Variants in PRMT3 observed in about 807,000 individuals in gnomAD.
PRMT3 encodes the protein protein arginine methyltransferase 3.
A neutral mutation model predicts 71.9 loss-of-function variants in PRMT3; 62 were observed. The ratio of observed to expected loss-of-function variants is 0.86; its 90% confidence interval spans 0.70 to 1.07. PRMT3 has a LOEUF of 1.07. Among genes scored for constraint, PRMT3 ranks in the 50% least tolerant of loss-of-function variants. PRMT3 has a pLI of 0.00. For missense variants in PRMT3, 663 were observed against 643.0 expected (o/e 1.03, Z -0.34); for synonymous variants, 213 against 220.4 (o/e 0.97, Z 0.30).
At chr11:20,498,016 G>A (rs1211080305) in intron 15 of PRMT3, among the ~76,000 whole-genome samples, 2 of 152,166 alleles carry the variant, frequency 1.3e-5, no homozygotes, top group African/African-American at 2.4e-5. Context: ...TGAACATAGC[G>A]AAGAGAATAT....
At chr11:20,424,694 A>C (rs984482793) in intron 9 of PRMT3, among the ~76,000 whole-genome samples, 24 of 152,212 alleles carry the variant, frequency 1.6e-4, no homozygotes, top group African/African-American at 7.2e-5. Flanking sequence ...CAAAGTTAAA[A>C]ACTTTAGCTA....
intron 13 of PRMT3, among the ~76,000 whole-genome samples, chr11:20,473,095 T>C (rs1850690685): frequency 6.6e-6 from 1 of 152,198 alleles, no homozygotes; most frequent in South Asian, 2.1e-4. Flanking sequence ...AATATTCCTT[T>C]ACCATTCCTG....
intron 15 of PRMT3, among the ~76,000 whole-genome samples, chr11:20,504,733 A>T (rs1294064349): frequency 2.6e-5 from 4 of 151,126 alleles, no homozygotes; most frequent in Admixed American, 1.3e-4. Context: ...AGAGAGAGAG[A>T]GAGAGAGAGA....
intron 13 of PRMT3, among the ~76,000 whole-genome samples, chr11:20,482,190 T>C (rs1850953313): frequency 6.8e-6 from 1 of 146,352 alleles, no homozygotes; most frequent in Non-Finnish European, 1.5e-5. Flanking sequence ...TCTGAATTTC[T>C]GTAATTCATT....
intron 13 of PRMT3, among the ~76,000 whole-genome samples, chr11:20,482,095 A>C (rs933060423): frequency 1.3e-5 from 2 of 152,150 alleles, no homozygotes; most frequent in African/African-American, 4.8e-5. Flanking sequence ...GGAACCCTGC[A>C]GTTGAGTAAA....
rs1446333911 is a variant in PRMT3, at chr11:20,388,030, G to T, written c.40G>T (p.Ala14Ser). The change falls in exon 2 of 16, where the codon GCT (alanine) becomes TCT (serine). Residue 14 changes from alanine to serine, a missense_variant. Transcript: ENST00000331079. Reference protein sequence around the residue: ...LASGATGGRGAVENEEDLPEL... With the variant: ...LASGATGGRGSVENEEDLPEL... ...TGTGTGTGTGTTAGGCGGCCGGGGC[G>T]CTGTGGAGAATGAGGAGGACCTGCC... The T allele has an allele frequency of 6.2e-7, 1 of 1,613,954 alleles. No homozygotes were observed. The highest frequency in any genetic ancestry group is 8.5e-7 in the Non-Finnish European group (1 of 1,180,000).
At chr11:20,490,735 A>G (rs957735270) in intron 13 of PRMT3, among the ~76,000 whole-genome samples, 13 of 152,248 alleles carry the variant, frequency 8.5e-5, no homozygotes, top group African/African-American at 3.1e-4. Context: ...AGGCTGTTAC[A>G]TGAGTTTAAA....
chr11:20,490,756 A>AAGGT (rs1734399410), intron 13 of PRMT3, among the ~76,000 whole-genome samples: 1 of 152,228 alleles, frequency 6.6e-6, no homozygotes, highest in Non-Finnish European at 1.5e-5. Context: ...ACAATTTTAA[A>AAGGT]AGGTACACTA....
At chr11:20,498,404 A>G (rs902916759) in intron 15 of PRMT3, among the ~76,000 whole-genome samples, 1 of 152,238 alleles carries the variant, frequency 6.6e-6, no homozygotes, top group Non-Finnish European at 1.5e-5. Flanking sequence ...AACATCATGT[A>G]GAGAAGAACA....
intron 9 of PRMT3, among the ~76,000 whole-genome samples, chr11:20,412,656 GGT>G (rs1234760973): frequency 6.6e-6 from 1 of 151,600 alleles, no homozygotes; most frequent in Non-Finnish European, 1.5e-5. Context: ...TTTGAGTGTT[GGT>G]GCATGAGAAC....
In PRMT3 at chr11:20,392,200, TCCC is replaced by T; in HGVS notation, c.248-8_248-6del. On this transcript the variant is annotated splice_region_variant and splice_polypyrimidine_tract_variant and intron_variant, in intron 3 of 15. Coordinates refer to ENST00000331079, the MANE Select transcript of PRMT3 (RefSeq NM_005788.4). ...TGTTAACATAGGTGAATTATCTTTT[TCCC>T]CCTTTAGGACTTGAATTTTATGGAT... The T allele has an allele frequency of 6.4e-7, 1 of 1,572,840 alleles. No homozygotes were observed. The highest frequency in any genetic ancestry group is 1.8e-5 in the Admixed American group (1 of 56,730).
At chr11:20,399,326 A>C (rs1432404416) in intron 7 of PRMT3, among the ~76,000 whole-genome samples, 1 of 152,170 alleles carries the variant, frequency 6.6e-6, no homozygotes, top group East Asian at 1.9e-4. Flanking sequence ...GGTAATTGAT[A>C]ATTGTACTTA....
At chr11:20,441,650 A>G (rs1187409228) in intron 10 of PRMT3, among the ~76,000 whole-genome samples, 1 of 151,954 alleles carries the variant, frequency 6.6e-6, no homozygotes, top group Non-Finnish European at 1.5e-5. Flanking sequence ...ATCTACACTC[A>G]TATTTTCCGT....
At chr11:20,504,007 T>C (rs1851520032) in intron 15 of PRMT3, among the ~76,000 whole-genome samples, 1 of 152,216 alleles carries the variant, frequency 6.6e-6, no homozygotes, top group Admixed American at 6.5e-5. Flanking sequence ...AGATGCAGTA[T>C]TTTAAGCCGT....
chr11:20,504,715 A>T (rs867170342), intron 15 of PRMT3, among the ~76,000 whole-genome samples: 11,714 of 138,918 alleles, frequency 0.084, 632 homozygotes, highest in East Asian at 0.19. Flanking sequence ...TGTGAGAGAG[A>T]GAGAGAGAGA....
At position 20,508,933 on chromosome 11, in the gene PRMT3, C is replaced by T; in HGVS notation, c.*520C>T. Reference sequence around the variant, plus strand: ...CTAAAATATGGAAAAGAGCTTCAGCCTTCATATACAAATCATATATGCAGA... The same window carrying T: ...CTAAAATATGGAAAAGAGCTTCAGCTTTCATATACAAATCATATATGCAGA... On this transcript the variant is annotated 3_prime_UTR_variant, in exon 16 of 16. Coordinates refer to ENST00000331079, the MANE Select transcript of PRMT3 (RefSeq NM_005788.4). 1 of 184,182 alleles carries T rather than the reference C, an allele frequency of 5.4e-6. No individual in the cohort carries two copies. Among genetic ancestry groups the T allele is most frequent in the Admixed American group, 5.4e-5 (1 of 18,492 alleles). The allele number at this position is 184,182 out of a possible 1,614,324, so 11.4% of individuals were successfully genotyped here.
chr11:20,388,917 T>C (rs1235467836), intron 2 of PRMT3, among the ~76,000 whole-genome samples: 1 of 152,222 alleles, frequency 6.6e-6, no homozygotes, highest in Non-Finnish European at 1.5e-5. Context: ...CATTTTCCAG[T>C]GTTCCCTGTA....
Position 20,477,807 on chromosome 11 carries a change from C to G in PRMT3, c.1347+13261C>G, listed in dbSNP as rs375392077. On this transcript the variant is annotated intron_variant, in intron 13 of 15. Coordinates refer to ENST00000331079, the MANE Select transcript of PRMT3 (RefSeq NM_005788.4). ...AAGGTTTTGGCTTAGGAGAAACCCC[C>G]CCCCCCCACTTCCTGTTTTGCAGCA... is the stretch of plus-strand genomic sequence containing the variant. Among the ~76,000 whole-genome samples, 96 of 141,766 alleles carry G rather than the reference C, an allele frequency of 6.8e-4. 1 individual carries two copies. The highest frequency in any genetic ancestry group is 7.4e-3 in the Middle Eastern group (2 of 272). The allele number at this position is 141,766 out of a possible 152,430, so 93.0% of individuals were successfully genotyped here. A position where few individuals can be genotyped will look rare whatever the true frequency, so the allele number is the denominator to read the frequency against.
At chr11:20,505,071 A>C (rs1353109619) in intron 15 of PRMT3, among the ~76,000 whole-genome samples, 1 of 152,164 alleles carries the variant, frequency 6.6e-6, no homozygotes. Flanking sequence ...AGTATTATAT[A>C]AATTCTTCAT....
Sources: allele counts gnomAD v4.1 joint callset (sites outside exome capture counted in the v4.1 genomes callset), GRCh38; gene constraint gnomAD v4.1.1; transcripts MANE v1.5; gene names NCBI Gene and HGNC (gene_info 2026-07-23, HGNC 2026-07-21).